Variants in RPS6KC1 observed in about 807,000 individuals in gnomAD.
RPS6KC1 encodes the protein ribosomal protein S6 kinase C1, also known as inactive ribosomal protein S6 kinase delta-1.
RPS6KC1 carries 54 observed loss-of-function variants against 103.8 expected under a neutral mutation model. The observed-to-expected ratio is 0.52, with a 90% CI of 0.42 to 0.65. The LOEUF (loss-of-function observed/expected upper bound fraction) is 0.65, where lower values mean the gene tolerates loss of function less well. RPS6KC1 is among the 30% of genes least tolerant of loss of function. The pLI is 0.00. For synonymous variants in RPS6KC1, 439 were observed against 438.7 expected (o/e 1.00, Z -0.01); for missense variants, 1,151 against 1,253.8 (o/e 0.92, Z 1.24).
the RPS6KC1 span, among the ~76,000 whole-genome samples, chr1:213,552,540 A>G: frequency 6.6e-6 from 1 of 152,172 alleles, no homozygotes; most frequent in African/African-American, 2.4e-5. Context: ...ATTTTTTAAT[A>G]CAGTTATTTT....
At chr1:213,807,471 G>A in the RPS6KC1 span, among the ~76,000 whole-genome samples, 1 of 152,164 alleles carries the variant, frequency 6.6e-6, no homozygotes, top group African/African-American at 2.4e-5. Context: ...TGGAGGCTTT[G>A]TTTGTTTCTT....
chr1:213,280,033 C>A, the RPS6KC1 span, among the ~76,000 whole-genome samples: 1 of 152,282 alleles, frequency 6.6e-6, no homozygotes, highest in South Asian at 2.1e-4. Flanking sequence ...TGATCATGGG[C>A]ATCCTACCCT....
the RPS6KC1 span, among the ~76,000 whole-genome samples, chr1:213,823,726 C>CCACACACACACACACACA: frequency 0.072 from 10,536 of 146,166 alleles, 550 homozygotes; most frequent in African/African-American, 0.13. Context: ...GCTATCACAG[C>CCACACACACACACACACA]CACACACACA....
chr1:213,611,528 A>T, the RPS6KC1 span, among the ~76,000 whole-genome samples: 1 of 152,308 alleles, frequency 6.6e-6, no homozygotes, highest in South Asian at 2.1e-4. Flanking sequence ...TATTCCATGA[A>T]ATGACAATAG....
chr1:213,424,039 C>T, the RPS6KC1 span, among the ~76,000 whole-genome samples: 1 of 152,298 alleles, frequency 6.6e-6, no homozygotes, highest in Middle Eastern at 3.4e-3. Context: ...CATGAAGCCT[C>T]CCCTTGGTAA....
intron 5 of RPS6KC1, among the ~76,000 whole-genome samples, chr1:213,123,391 G>A (rs1182498636): frequency 6.6e-6 from 1 of 152,070 alleles, no homozygotes; most frequent in Non-Finnish European, 1.5e-5. Context: ...TTGCTGTGTT[G>A]TTTTCTGGGC....
intron 8 of RPS6KC1, among the ~76,000 whole-genome samples, chr1:213,222,202 C>G (rs916739604): frequency 6.6e-6 from 1 of 152,052 alleles, no homozygotes; most frequent in Non-Finnish European, 1.5e-5. Context: ...TGATAATCTG[C>G]TATGTGGGAA....
At chr1:213,502,576 T>C in the RPS6KC1 span, among the ~76,000 whole-genome samples, 1 of 152,304 alleles carries the variant, frequency 6.6e-6, no homozygotes. Flanking sequence ...AAATAAATTA[T>C]GGTCCATCTA....
chr1:213,366,333 A>C, the RPS6KC1 span, among the ~76,000 whole-genome samples: 1 of 152,212 alleles, frequency 6.6e-6, no homozygotes, highest in South Asian at 2.1e-4. Context: ...ACTGTAAACC[A>C]CCAAGGCATA....
At chr1:213,160,406 A>G (rs1398249322) in intron 6 of RPS6KC1, among the ~76,000 whole-genome samples, 2 of 152,228 alleles carry the variant, frequency 1.3e-5, no homozygotes, top group Non-Finnish European at 2.9e-5. Context: ...ATCAAAATAT[A>G]GATTCTCCTT....
the RPS6KC1 span, among the ~76,000 whole-genome samples, chr1:213,851,817 G>A: frequency 6.6e-6 from 1 of 151,974 alleles, no homozygotes; most frequent in Non-Finnish European, 1.5e-5. Context: ...AAACCAGCGT[G>A]GGAGCCACCC....
At chr1:213,239,535 T>C (rs1188883465) in intron 10 of RPS6KC1, among the ~76,000 whole-genome samples, 1 of 151,766 alleles carries the variant, frequency 6.6e-6, no homozygotes, top group Non-Finnish European at 1.5e-5. Context: ...AAGAGGTATT[T>C]TTGATGTTTC....
At chr1:213,148,561 T>C (rs919751313) in intron 6 of RPS6KC1, among the ~76,000 whole-genome samples, 9 of 152,278 alleles carry the variant, frequency 5.9e-5, no homozygotes, top group Admixed American at 1.3e-4. Flanking sequence ...TTACAATGTA[T>C]TGTTGAATTC....
At chr1:213,394,389 C>A in the RPS6KC1 span, among the ~76,000 whole-genome samples, 1 of 152,136 alleles carries the variant, frequency 6.6e-6, no homozygotes, top group East Asian at 1.9e-4. Flanking sequence ...GAAATGGCAG[C>A]AAACTAGGGC....
At chr1:213,848,111 G>T in the RPS6KC1 span, among the ~76,000 whole-genome samples, 1 of 152,002 alleles carries the variant, frequency 6.6e-6, no homozygotes, top group East Asian at 1.9e-4. Flanking sequence ...ATTAAGGAGG[G>T]AATACAGAAA....
chr1:213,215,067 A>G (rs2093622983), intron 8 of RPS6KC1, among the ~76,000 whole-genome samples: 2 of 152,230 alleles, frequency 1.3e-5, no homozygotes, highest in African/African-American at 4.8e-5. Flanking sequence ...GCTTCAGACT[A>G]TCAAACTACT....
the RPS6KC1 span, among the ~76,000 whole-genome samples, chr1:213,725,728 G>T: frequency 2.0e-5 from 3 of 152,170 alleles, no homozygotes; most frequent in Non-Finnish European, 2.9e-5. Flanking sequence ...CAGTCAGAAA[G>T]GTTGAACATA....
At chr1:213,630,579 C>T in the RPS6KC1 span, among the ~76,000 whole-genome samples, 19 of 152,170 alleles carry the variant, frequency 1.2e-4, no homozygotes, top group African/African-American at 4.1e-4. Context: ...TCTCTCAACT[C>T]GTCAAAGTCA....
the RPS6KC1 span, among the ~76,000 whole-genome samples, chr1:213,573,769 T>C: frequency 6.6e-6 from 1 of 152,224 alleles, no homozygotes; most frequent in African/African-American, 2.4e-5. Context: ...TAGGAGAGCC[T>C]TTGTTCCTGG....
Sources: allele counts gnomAD v4.1 joint callset (sites outside exome capture counted in the v4.1 genomes callset), GRCh38; gene constraint gnomAD v4.1.1; transcripts MANE v1.5; gene names NCBI Gene and HGNC (gene_info 2026-07-23, HGNC 2026-07-21).